Variants in HELLS observed in about 807,000 individuals in gnomAD.
HELLS encodes lymphoid-specific helicase.
Under a neutral mutation model 120.0 loss-of-function variants are expected in HELLS, and 32 were observed. That is an observed-to-expected ratio of 0.27 (90% CI 0.20 to 0.36). The LOEUF is 0.36. HELLS is among the 10% of genes least tolerant of loss of function. The pLI, the probability that HELLS is intolerant of heterozygous loss-of-function variation, is 1.00. For synonymous variants in HELLS, 341 were observed against 323.4 expected, an observed-to-expected ratio of 1.05 and a Z score of -0.58; for missense variants, 650 against 993.4, an observed-to-expected ratio of 0.65 and a Z score of 4.65.
At chr10:94,571,294 C>T (rs1589727596) in intron 6 of HELLS, 94 bp from the exon 7 acceptor site, 2 of 1,032,530 alleles carry the variant, frequency 1.9e-6, no homozygotes, top group Non-Finnish European at 2.8e-6. Context: ...TCCTCATTTC[C>T]TGGCAAAATG....
At chr10:94,589,588 A>G (rs1845358432) in intron 13 of HELLS, among the ~76,000 whole-genome samples, 1 of 149,678 alleles carries the variant, frequency 6.7e-6, no homozygotes, top group African/African-American at 2.5e-5. Context: ...CAGGTTTTTT[A>G]TTGTACACTA....
downstream of HELLS, chr10:94,602,220 CAT>C (rs780399706): frequency 1.8e-4 from 27 of 152,100 alleles, no homozygotes; most frequent in Admixed American, 7.9e-4. Context: ...AGGAGTGTGT[CAT>C]ATAGAGATTT....
At chr10:94,592,199 CTA>C (rs757101927) in intron 15 of HELLS, 28 bp from the exon 16 acceptor site, 1 of 1,491,828 alleles carries the variant, frequency 6.7e-7, no homozygotes, top group South Asian at 1.2e-5. Flanking sequence ...AGTTTTCTCT[CTA>C]TTTTTTCTTC....
At chr10:94,551,899 G>A (rs951261786) in intron 2 of HELLS, among the ~76,000 whole-genome samples, 6 of 151,876 alleles carry the variant, frequency 4.0e-5, no homozygotes, top group Admixed American at 2.0e-4. Flanking sequence ...GCAACCACAC[G>A]CGGCTAATTT....
At position 94,554,108 on chromosome 10, in the gene HELLS, A is replaced by G; in HGVS notation, c.154-18A>G. 1 of 1,549,846 alleles carries G rather than the reference A, an allele frequency of 6.5e-7. No homozygotes were observed. The highest frequency in any genetic ancestry group is 8.6e-7 in the Non-Finnish European group (1 of 1,158,860). ...GTCAGAAAGTGTTCATAATTATGGAAATTTTCTCTTTGGATAGGCTCGCAT... is the reference window on the plus strand; with the variant it reads ...GTCAGAAAGTGTTCATAATTATGGAGATTTTCTCTTTGGATAGGCTCGCAT... On this transcript the variant is annotated intron_variant, in intron 2 of 21. Coordinates refer to ENST00000348459, the MANE Select transcript of HELLS (RefSeq NM_018063.5).
At chr10:94,549,141 G>A (rs565537331) in intron 2 of HELLS, among the ~76,000 whole-genome samples, 1 of 152,338 alleles carries the variant, frequency 6.6e-6, no homozygotes, top group South Asian at 2.1e-4. Flanking sequence ...CTCATAAAAA[G>A]TGATTGCCTA....
intron 13 of HELLS, 23 bp downstream of exon 13, chr10:94,588,413 T>A: frequency 2.0e-6 from 3 of 1,494,334 alleles, no homozygotes; most frequent in Non-Finnish European, 2.7e-6. Context: ...TGAAATGTAC[T>A]GTAAATGAAA....
chr10:94,592,294 A>T lies in HELLS; in HGVS notation c.1833A>T (p.Leu611=). 2 of 1,593,420 alleles carry T rather than the reference A, an allele frequency of 1.3e-6. No homozygotes were observed. The highest frequency in any genetic ancestry group is 2.3e-5 in the South Asian group (2 of 88,470). The change falls in exon 16 of 22, where the codon CTA becomes CTT. Residue 611 remains leucine, a synonymous_variant. Coordinates refer to ENST00000348459, the MANE Select transcript of HELLS (RefSeq NM_018063.5). ...FLILDRMLPE[L]KKRGHKVLLF... The stretch of plus-strand genomic sequence containing the variant: ...TTTTGGATCGAATGCTGCCAGAACT[A>T]AAAAAAAGAGGTCACAAGGTGGTAC...
At chr10:94,601,044 A>G (rs1846012234) in intron 21 of HELLS, among the ~76,000 whole-genome samples, 2 of 152,326 alleles carry the variant, frequency 1.3e-5, no homozygotes, top group South Asian at 2.1e-4. Context: ...AATACAAATG[A>G]AAATCAGATT....
chr10:94,569,865 T>C (rs1240524792), intron 6 of HELLS: 1 of 152,190 alleles, frequency 6.6e-6, no homozygotes, highest in Non-Finnish European at 1.5e-5. Flanking sequence ...GTCTCTCATC[T>C]TTTTTAAGAA....
chr10:94,561,895 A>G (rs1190619895), intron 4 of HELLS, among the ~76,000 whole-genome samples: 3 of 151,868 alleles, frequency 2.0e-5, no homozygotes, highest in East Asian at 2.0e-4. Flanking sequence ...TATTCCTTCA[A>G]TACCCTACCT....
intron 15 of HELLS, 68 bp downstream of exon 15, chr10:94,590,844 CTTTT>C: frequency 1.1e-6 from 1 of 873,092 alleles, no homozygotes; most frequent in Non-Finnish European, 1.7e-6. Flanking sequence ...GAAAGTGTTA[CTTTT>C]TTTGATTATA....
At chr10:94,547,748 A>G (rs536108542) in intron 2 of HELLS, among the ~76,000 whole-genome samples, 2 of 152,334 alleles carry the variant, frequency 1.3e-5, no homozygotes, top group South Asian at 2.1e-4. Context: ...ACTGAGGCAC[A>G]TAGAGGTTGT....
downstream of HELLS, among the ~76,000 whole-genome samples, chr10:94,606,119 C>G (rs549140437): frequency 8.2e-5 from 12 of 146,696 alleles, no homozygotes; most frequent in Non-Finnish European, 1.6e-4. Context: ...GTTGCACAGA[C>G]TTGTGAATTC....
Position 94,602,019 on chromosome 10 carries a change from C to T in HELLS, c.*397C>T, listed in dbSNP as rs1048196. 0.2 allele frequency: 31,109 copies of T among 152,994 alleles called. 3,313 individuals are homozygous for T. The highest frequency in any genetic ancestry group is 0.34 in the South Asian group (1,636 of 4,828). The allele number at this position is 152,994 out of a possible 1,614,324, so 9.5% of individuals were successfully genotyped here. A position where few individuals can be genotyped will look rare whatever the true frequency, so the allele number is the denominator to read the frequency against. On this transcript the variant is annotated 3_prime_UTR_variant, in exon 22 of 22. Transcript: ENST00000348459. ...CATGGGGAGAGATTGGGATTATGCT[C>T]TCTGTTGTTTAAGAAACTGTTTGAT...
rs565485689 is a variant in HELLS, at chr10:94,562,406, A to G, written c.334-285A>G. Among the ~76,000 whole-genome samples, 7 of 152,272 alleles carry G rather than the reference A, an allele frequency of 4.6e-5. No individual in the cohort carries two copies. The South Asian group carries it at 1.5e-3, about 32-fold the overall frequency. On this transcript the variant is annotated intron_variant, in intron 4 of 21. Transcript: ENST00000348459. ...CGACAAGAGTGAAACTCCGTCTCCA[A>G]AAAACAAACAAACGAAATGCCAACT...
rs55983157 is a variant in HELLS at position 94,574,279 on chromosome 10, A to G, written c.705+92A>G. Reference sequence around the variant, plus strand: ...TACCACAACTTGAGTCATTTCTATCATGTTTCACTATTATACATTTGTATG... The same window carrying G: ...TACCACAACTTGAGTCATTTCTATCGTGTTTCACTATTATACATTTGTATG... On this transcript the variant is annotated intron_variant, in intron 8 of 21. Coordinates refer to ENST00000348459, the MANE Select transcript of HELLS (RefSeq NM_018063.5). 2,770 of 832,324 alleles carry G rather than the reference A, an allele frequency of 3.3e-3. 75 individuals are homozygous for G. The African/African-American group carries it at 0.043, about 13-fold the overall frequency. The allele number at this position is 832,324 out of a possible 1,614,324, so 51.6% of individuals were successfully genotyped here.
intron 6 of HELLS, chr10:94,569,265 C>G (rs371871713): frequency 1.3e-5 from 2 of 151,930 alleles, no homozygotes; most frequent in African/African-American, 4.8e-5. Flanking sequence ...TCACTACAAC[C>G]TTTGCCTCTT....
chr10:94,551,379 A>G (rs1842973950), intron 2 of HELLS, among the ~76,000 whole-genome samples: 1 of 151,988 alleles, frequency 6.6e-6, no homozygotes, highest in Non-Finnish European at 1.5e-5. Flanking sequence ...CAGCCTGGCC[A>G]AGATGGTGAA....
Sources: gnomAD v4.1 joint callset for allele counts (sites outside exome capture counted in the v4.1 genomes callset) on GRCh38, gnomAD v4.1.1 for gene constraint, MANE v1.5 for transcripts, NCBI Gene and HGNC (gene_info 2026-07-23, HGNC 2026-07-21) for gene names.